The following DCBLD2 variants were observed in gnomAD, a reference collection of about 807,000 sequenced individuals.
The protein encoded by DCBLD2 is discoidin, CUB and LCCL domain-containing protein 2.
In DCBLD2, 54 loss-of-function variants were observed where a neutral mutation model predicts 86.8. The observed-to-expected ratio is 0.62, with a 90% CI of 0.50 to 0.78. The LOEUF is 0.78. Among genes scored for constraint, DCBLD2 ranks in the 30% least tolerant of loss-of-function variants. The probability of loss-of-function intolerance (pLI) is 0.00; values close to 1 mark genes in which losing one functional copy is unlikely to be tolerated. For missense variants in DCBLD2, 908 were observed against 954.2 expected (o/e 0.95, Z 0.64); for synonymous variants, 354 against 341.3 (o/e 1.04, Z -0.41).
intron 1 of DCBLD2, among the ~76,000 whole-genome samples, chr3:98,885,051 T>G (rs1043704946): frequency 1.1e-4 from 16 of 152,132 alleles, no homozygotes; most frequent in African/African-American, 3.1e-4. Flanking sequence ...AAAGAAATAC[T>G]AACTGATGAA....
chr3:98,848,973 C>T (rs1942779583), intron 3 of DCBLD2, among the ~76,000 whole-genome samples: 1 of 152,070 alleles, frequency 6.6e-6, no homozygotes, highest in Non-Finnish European at 1.5e-5. Context: ...AGTTCGAGAC[C>T]AGCCTGGCCA....
rs1294658604 is a variant in DCBLD2 at position 98,796,181 on chromosome 3, C to T, written c.*3191G>A. The T allele has an allele frequency of 3.3e-5, 5 of 152,406 alleles. No individual in the cohort carries two copies. Among genetic ancestry groups the T allele is most frequent in the Non-Finnish European group, 5.9e-5 (4 of 67,998 alleles). The allele number at this position is 152,406 out of a possible 1,614,324, so 9.4% of individuals were successfully genotyped here. ...GGGAGAATATCACTGACGCTCAAAC[C>T]ATTTTTATTTCCAATATGTATTTCA... On this transcript the variant is annotated 3_prime_UTR_variant, in exon 16 of 16. Coordinates refer to ENST00000326840, the MANE Select transcript of DCBLD2 (RefSeq NM_080927.4).
At chr3:98,890,207 T>A (rs1943633981) in intron 1 of DCBLD2, among the ~76,000 whole-genome samples, 1 of 152,052 alleles carries the variant, frequency 6.6e-6, no homozygotes, top group Non-Finnish European at 1.5e-5. Context: ...TAAAATGAAG[T>A]CATTCTGGAG....
At chr3:98,800,889 C>A in intron 14 of DCBLD2, 173 bp from the exon 15 acceptor site, 6 of 731,002 alleles carry the variant, frequency 8.2e-6, no homozygotes, top group Non-Finnish European at 1.3e-5. Context: ...GACTATCCAG[C>A]ACCAAGCAGT....
chr3:98,806,925 T>A (rs112473747), intron 13 of DCBLD2, among the ~76,000 whole-genome samples: 3,617 of 152,230 alleles, frequency 0.024, 127 homozygotes, highest in African/African-American at 0.081. Flanking sequence ...ATCAGTGTGT[T>A]ATGTGCCTGC....
intron 1 of DCBLD2, among the ~76,000 whole-genome samples, chr3:98,884,934 G>GTTAGGAGTAATTT (rs1489775783): frequency 6.6e-6 from 1 of 152,126 alleles, no homozygotes; most frequent in Non-Finnish European, 1.5e-5. Context: ...CACGCAGAGT[G>GTTAGGAGTAATTT]TTAGGAGTAA....
intron 1 of DCBLD2, among the ~76,000 whole-genome samples, chr3:98,894,246 A>G (rs750350246): frequency 1.3e-5 from 2 of 152,166 alleles, no homozygotes; most frequent in Non-Finnish European, 2.9e-5. Context: ...GTCCTCCACA[A>G]TACGTTCCAG....
At chr3:98,839,124 TTTCTTTCC>T (rs1000998961) in intron 3 of DCBLD2, among the ~76,000 whole-genome samples, 4 of 28,128 alleles carry the variant, frequency 1.4e-4, no homozygotes, top group Non-Finnish European at 2.9e-4. Flanking sequence ...TTTCTTTTTC[TTTCTTTCC>T]TTCCTTCCTT....
rs1188427813 is a variant in DCBLD2, at chr3:98,849,510, A to G, written c.522T>C (p.His174=). ...AGGCCAAAAATCCGCGTCCAGAAAC[A>G]TGGATTCCACTCATGAACAGCAATG... ...EITLLFMSGI[H]VSGRGFLASY... Residue 174 remains histidine (H), a synonymous_variant, in exon 3 of 16, where the codon CAT becomes CAC. Transcript: ENST00000326840. The G allele has an allele frequency of 4.3e-6, 7 of 1,613,856 alleles. No individual in the cohort carries two copies. In the African/African-American group the frequency reaches 8.0e-5, roughly 18 times the overall value.
At chr3:98,879,001 C>T (rs1240511723) in intron 2 of DCBLD2, among the ~76,000 whole-genome samples, 3 of 152,160 alleles carry the variant, frequency 2.0e-5, no homozygotes, top group Admixed American at 6.5e-5. Context: ...TAGAATTCAG[C>T]GAGCAATTTG....
At chr3:98,837,780 C>T in intron 3 of DCBLD2, among the ~76,000 whole-genome samples, 1 of 122,598 alleles carries the variant, frequency 8.2e-6, no homozygotes, top group Non-Finnish European at 1.8e-5. Flanking sequence ...GGCAGAGGCG[C>T]CCCTCACCTC....
At chr3:98,805,748 A>G (rs1199217478) in intron 13 of DCBLD2, among the ~76,000 whole-genome samples, 1 of 152,118 alleles carries the variant, frequency 6.6e-6, no homozygotes, top group Non-Finnish European at 1.5e-5. Flanking sequence ...AGGAGTCTGG[A>G]TGTCCACAGG....
chr3:98,848,105 T>G lies in DCBLD2; in HGVS notation c.571+1356A>C, dbSNP rs556982450. ...TTAAGCCTGGTATCCATTAGTTATTTTTCCTGATCCTCTCCCACCTCCCAC... is the reference window on the plus strand; with the variant it reads ...TTAAGCCTGGTATCCATTAGTTATTGTTCCTGATCCTCTCCCACCTCCCAC... On this transcript the variant is annotated intron_variant, in intron 3 of 15. Transcript: ENST00000326840. Among the ~76,000 whole-genome samples the G allele has an allele frequency of 1.1e-4, 16 of 152,326 alleles. 1 individual carries two copies. Among genetic ancestry groups the G allele is most frequent in the African/African-American group, 3.8e-4 (16 of 41,568 alleles).
intron 6 of DCBLD2, among the ~76,000 whole-genome samples, chr3:98,821,764 C>G (rs1357256274): frequency 6.6e-6 from 1 of 152,122 alleles, no homozygotes; most frequent in Non-Finnish European, 1.5e-5. Flanking sequence ...TATGCAGACA[C>G]TGGCTGGGCA....
intron 3 of DCBLD2, among the ~76,000 whole-genome samples, chr3:98,839,610 C>T (rs1005181251): frequency 6.6e-6 from 1 of 152,122 alleles, no homozygotes; most frequent in Non-Finnish European, 1.5e-5. Flanking sequence ...GCTGGCAGTT[C>T]GTTCATTTAT....
At chr3:98,882,550 TC>T (rs933008912) in intron 1 of DCBLD2, among the ~76,000 whole-genome samples, 1 of 152,198 alleles carries the variant, frequency 6.6e-6, no homozygotes, top group Admixed American at 6.5e-5. Flanking sequence ...TAGGTATTTC[TC>T]CTAATGCTAT....
intron 2 of DCBLD2, among the ~76,000 whole-genome samples, chr3:98,857,350 G>A (rs772719299): frequency 2.8e-4 from 43 of 152,320 alleles, no homozygotes; most frequent in Non-Finnish European, 5.3e-4. Context: ...GTGTGTAAGG[G>A]GACCCAAGCT....
chr3:98,886,740 T>C (rs1943568866), intron 1 of DCBLD2, among the ~76,000 whole-genome samples: 1 of 151,214 alleles, frequency 6.6e-6, no homozygotes, highest in Non-Finnish European at 1.5e-5. Flanking sequence ...TCACTTCCTC[T>C]GAAGAGTGTA....
rs145915442 is a variant in DCBLD2 at position 98,852,973 on chromosome 3, A to T, written c.434-3375T>A. Among the ~76,000 whole-genome samples the T allele has an allele frequency of 7.0e-3, 1,068 of 152,338 alleles. 8 individuals carry two copies. The highest frequency in any genetic ancestry group is 0.019 in the African/African-American group (798 of 41,570). ...TGGTGGGACCCCAAGCAGAGAATTCAGTCATGCCATGCAATGCCTAGACTT... is the reference window on the plus strand; with the variant it reads ...TGGTGGGACCCCAAGCAGAGAATTCTGTCATGCCATGCAATGCCTAGACTT... On this transcript the variant is annotated intron_variant, in intron 2 of 15. Transcript: ENST00000326840.
Sources: allele counts gnomAD v4.1 joint callset (sites outside exome capture counted in the v4.1 genomes callset), GRCh38; gene constraint gnomAD v4.1.1; transcripts MANE v1.5; gene names NCBI Gene and HGNC (gene_info 2026-07-23, HGNC 2026-07-21).